The following KCTD16 variants were observed in gnomAD, a reference collection of about 807,000 sequenced individuals.
KCTD16 encodes BTB/POZ domain-containing protein KCTD16.
KCTD16 carries 13 observed loss-of-function variants against 33.2 expected under a neutral mutation model. The observed-to-expected ratio is 0.39, with a 90% CI of 0.25 to 0.62. The LOEUF (loss-of-function observed/expected upper bound fraction) is 0.62, where lower values mean the gene tolerates loss of function less well. Ranked by LOEUF, KCTD16 falls within the 20% of genes least tolerant of loss-of-function variation. The pLI is 0.50. For missense variants in KCTD16, 441 were observed against 525.1 expected (o/e 0.84, Z 1.57); for synonymous variants, 197 against 195.3 (o/e 1.01, Z -0.07).
chr5:144,339,166 T>C (rs1388420852), intron 3 of KCTD16, among the ~76,000 whole-genome samples: 1 of 152,238 alleles, frequency 6.6e-6, no homozygotes, highest in Non-Finnish European at 1.5e-5. Flanking sequence ...TAGTGTATTC[T>C]GTGCATTACC....
intron 3 of KCTD16, among the ~76,000 whole-genome samples, chr5:144,390,921 C>T (rs1274121184): frequency 1.3e-5 from 2 of 152,140 alleles, no homozygotes; most frequent in Non-Finnish European, 2.9e-5. Flanking sequence ...TGATTAGTCA[C>T]ATCTAGGGCA....
At chr5:144,225,554 G>T (rs1055963617) in intron 3 of KCTD16, among the ~76,000 whole-genome samples, 3 of 44,540 alleles carry the variant, frequency 6.7e-5, no homozygotes, top group South Asian at 9.7e-4. Context: ...AAAATAAATT[G>T]TGTGTGTGTG....
At chr5:144,177,674 G>C (rs1192401341) in intron 2 of KCTD16, among the ~76,000 whole-genome samples, 2 of 152,038 alleles carry the variant, frequency 1.3e-5, no homozygotes, top group East Asian at 3.8e-4. Flanking sequence ...CCTTTTTTAA[G>C]AGCACGAGTC....
chr5:144,263,254 T>C (rs1420397138), intron 3 of KCTD16, among the ~76,000 whole-genome samples: 2 of 152,194 alleles, frequency 1.3e-5, no homozygotes, highest in African/African-American at 4.8e-5. Context: ...GGAGATGTAA[T>C]GGTACAGGAG....
chr5:144,358,939 A>C (rs1312227860), intron 3 of KCTD16, among the ~76,000 whole-genome samples: 1 of 152,168 alleles, frequency 6.6e-6, no homozygotes, highest in Non-Finnish European at 1.5e-5. Flanking sequence ...GGGGGTGGAT[A>C]TAAACTATCT....
chr5:144,302,109 A>C (rs1213457075), intron 3 of KCTD16, among the ~76,000 whole-genome samples: 5 of 152,200 alleles, frequency 3.3e-5, no homozygotes, highest in Non-Finnish European at 5.9e-5. Context: ...GCCCAAGAGC[A>C]AATAGCTAGA....
At chr5:144,443,559 G>A (rs946979793) in intron 3 of KCTD16, among the ~76,000 whole-genome samples, 7 of 151,860 alleles carry the variant, frequency 4.6e-5, no homozygotes, top group Admixed American at 6.6e-5. Flanking sequence ...ATATAAGAAA[G>A]GTAGGTGAAA....
chr5:144,456,607 C>T (rs1020022853), intron 3 of KCTD16, among the ~76,000 whole-genome samples: 1 of 152,250 alleles, frequency 6.6e-6, no homozygotes, highest in African/African-American at 2.4e-5. Context: ...TTGCTATGGT[C>T]TCAGGTTTAT....
rs925098240 is a variant in KCTD16, at chr5:144,340,289, C to A, written c.832+132743C>A. ...TGGTGACGGGTACCTATAGTCCCAGCTATTCGAGAGGCTGAGGCAGGAGAA... is the reference window on the plus strand; with the variant it reads ...TGGTGACGGGTACCTATAGTCCCAGATATTCGAGAGGCTGAGGCAGGAGAA... On this transcript the variant is annotated intron_variant, in intron 3 of 3. Coordinates refer to ENST00000512467, the MANE Select transcript of KCTD16 (RefSeq NM_020768.4). Among the ~76,000 whole-genome samples, 24 of 151,014 alleles carry A rather than the reference C, an allele frequency of 1.6e-4. No individual in the cohort carries two copies. In the South Asian group the frequency reaches 4.6e-3, roughly 29 times the overall value.
chr5:144,315,008 T>C (rs1231426672), intron 3 of KCTD16, among the ~76,000 whole-genome samples: 1 of 152,218 alleles, frequency 6.6e-6, no homozygotes, highest in Non-Finnish European at 1.5e-5. Context: ...TTGGTCTTTG[T>C]GGCTAAGAGA....
At chr5:144,244,513 A>G (rs959707629) in intron 3 of KCTD16, among the ~76,000 whole-genome samples, 6 of 152,334 alleles carry the variant, frequency 3.9e-5, no homozygotes, top group African/African-American at 1.4e-4. Context: ...AGTCAATTCC[A>G]CAGAATTGGA....
chr5:144,396,716 A>C (rs1015759565), intron 3 of KCTD16, among the ~76,000 whole-genome samples: 4 of 152,038 alleles, frequency 2.6e-5, no homozygotes, highest in Admixed American at 6.6e-5. Context: ...ATTGCAAATC[A>C]AAACACCCAA....
chr5:144,417,319 A>C (rs1216470713), intron 3 of KCTD16, among the ~76,000 whole-genome samples: 1 of 152,064 alleles, frequency 6.6e-6, no homozygotes, highest in Non-Finnish European at 1.5e-5. Flanking sequence ...ATATTAGTGG[A>C]TATCAAATGG....
At chr5:144,257,845 G>C (rs1298529308) in intron 3 of KCTD16, among the ~76,000 whole-genome samples, 2 of 152,088 alleles carry the variant, frequency 1.3e-5, no homozygotes, top group Non-Finnish European at 2.9e-5. Flanking sequence ...GTAGTGCAGT[G>C]TTTGGGATTG....
At chr5:144,462,359 T>C (rs1754216034) in intron 3 of KCTD16, among the ~76,000 whole-genome samples, 2 of 152,134 alleles carry the variant, frequency 1.3e-5, no homozygotes, top group Admixed American at 6.5e-5. Flanking sequence ...ATTTGCCAGC[T>C]AATCAATCTG....
intron 3 of KCTD16, among the ~76,000 whole-genome samples, chr5:144,330,633 A>G (rs1262746963): frequency 6.6e-6 from 1 of 152,096 alleles, no homozygotes; most frequent in Non-Finnish European, 1.5e-5. Flanking sequence ...ATATTTACTG[A>G]TGCTAGCTTC....
At chr5:144,181,658 A>G (rs1222261928) in intron 2 of KCTD16, among the ~76,000 whole-genome samples, 1 of 152,234 alleles carries the variant, frequency 6.6e-6, no homozygotes, top group African/African-American at 2.4e-5. Context: ...GGAGGACACT[A>G]TGTTAAGTGA....
At chr5:144,192,241 C>T (rs1166248437) in intron 2 of KCTD16, among the ~76,000 whole-genome samples, 1 of 152,178 alleles carries the variant, frequency 6.6e-6, no homozygotes, top group Non-Finnish European at 1.5e-5. Context: ...AACACTGCCC[C>T]CTTCTGTTAC....
At chr5:144,301,077 C>G (rs1428999384) in intron 3 of KCTD16, among the ~76,000 whole-genome samples, 1 of 151,900 alleles carries the variant, frequency 6.6e-6, no homozygotes, top group Non-Finnish European at 1.5e-5. Flanking sequence ...CCCGTCTCTA[C>G]TAAAAATACA....
Sources: gnomAD v4.1 joint callset for allele counts (sites outside exome capture counted in the v4.1 genomes callset) on GRCh38, gnomAD v4.1.1 for gene constraint, MANE v1.5 for transcripts, NCBI Gene and HGNC (gene_info 2026-07-23, HGNC 2026-07-21) for gene names.